The following PPM1E variants were observed in gnomAD, a reference collection of about 807,000 sequenced individuals.
PPM1E encodes the protein protein phosphatase, Mg2+/Mn2+ dependent 1E.
Under a neutral mutation model 65.9 loss-of-function variants are expected in PPM1E, and 20 were observed. That is an observed-to-expected ratio of 0.30 (90% confidence interval 0.21 to 0.44). The LOEUF is 0.44. Ranked by LOEUF, PPM1E falls within the 20% of genes least tolerant of loss-of-function variation. PPM1E has a pLI of 1.00. For missense variants in PPM1E, 713 were observed against 953.1 expected (o/e 0.75, Z 3.32); for synonymous variants, 352 against 374.9 (o/e 0.94, Z 0.70).
At chr17:58,881,305 A>C (rs868564032) in intron 1 of PPM1E, among the ~76,000 whole-genome samples, 2 of 152,082 alleles carry the variant, frequency 1.3e-5, no homozygotes, top group African/African-American at 4.8e-5. Context: ...AGGCAGGTGG[A>C]TCGCCTTGAG....
chr17:58,915,488 G>A (rs1056883730), intron 1 of PPM1E, among the ~76,000 whole-genome samples: 1 of 152,118 alleles, frequency 6.6e-6, no homozygotes, highest in African/African-American at 2.4e-5. Flanking sequence ...CTCATCCTAT[G>A]GCTTAGAATG....
chr17:58,784,656 C>T (rs950592893), intron 1 of PPM1E, among the ~76,000 whole-genome samples: 1 of 151,990 alleles, frequency 6.6e-6, no homozygotes, highest in African/African-American at 2.4e-5. Flanking sequence ...TCCTGAGTAG[C>T]TGGGATTACA....
chr17:58,761,744 T>C (rs2049823301), intron 1 of PPM1E, among the ~76,000 whole-genome samples: 1 of 152,206 alleles, frequency 6.6e-6, no homozygotes, highest in Non-Finnish European at 1.5e-5. Flanking sequence ...GGGTCCCTTC[T>C]ACGTTCCTTT....
chr17:58,940,532 G>A (rs932826044), intron 1 of PPM1E, among the ~76,000 whole-genome samples: 4 of 152,170 alleles, frequency 2.6e-5, no homozygotes, highest in Non-Finnish European at 4.4e-5. Context: ...GACTAAAAAT[G>A]TATTGCAGAT....
rs544394431 is a variant in PPM1E, at chr17:58,824,674, C to T, written c.464+68213C>T. On this transcript the variant is annotated intron_variant, in intron 1 of 6. Coordinates refer to ENST00000308249, the MANE Select transcript of PPM1E (RefSeq NM_014906.5). ...CGTGATCTCAGCTCACTGCAAGCTC[C>T]GTCTCCCGGGTTCACACCATTCTCT... Among the ~76,000 whole-genome samples the T allele has an allele frequency of 3.1e-3, 463 of 151,524 alleles. 3 individuals carry two copies. The highest frequency in any genetic ancestry group is 5.3e-3 in the Non-Finnish European group (359 of 67,868).
At position 58,776,326 on chromosome 17, in the gene PPM1E, C is replaced by CA. The variant is rs201187779; in HGVS notation, c.464+19873dup. Among the ~76,000 whole-genome samples the CA allele has an allele frequency of 1.9e-3, 292 of 150,366 alleles. 2 individuals are homozygous for CA. Among genetic ancestry groups the CA allele is most frequent in the African/African-American group, 6.6e-3 (271 of 41,014 alleles). On this transcript the variant is annotated intron_variant, in intron 1 of 6. Transcript: ENST00000308249. ...TGGATGACAGAGGAGACCCTGTCTC[C>CA]AAAAAAAAGCAGGGAGAGCCTTGAT... is the stretch of plus-strand genomic sequence containing the variant.
At chr17:58,913,706 G>A (rs915652689) in intron 1 of PPM1E, among the ~76,000 whole-genome samples, 1 of 152,140 alleles carries the variant, frequency 6.6e-6, no homozygotes. Flanking sequence ...TCTTCTTACT[G>A]TCTTCACTTC....
chr17:58,956,459 CA>C (rs34401263), intron 2 of PPM1E, among the ~76,000 whole-genome samples: 11 of 133,702 alleles, frequency 8.2e-5, no homozygotes, highest in East Asian at 2.1e-4. Flanking sequence ...AAACAAAAAA[CA>C]AAAAAAAAAA....
chr17:58,960,551 C>T (rs995291735), intron 2 of PPM1E, among the ~76,000 whole-genome samples: 2 of 151,862 alleles, frequency 1.3e-5, no homozygotes, highest in Admixed American at 6.6e-5. Flanking sequence ...AAGGAGGGTA[C>T]ATCACTTGAG....
At chr17:58,777,841 TAGA>T (rs928828736) in intron 1 of PPM1E, among the ~76,000 whole-genome samples, 2 of 152,230 alleles carry the variant, frequency 1.3e-5, no homozygotes, top group African/African-American at 4.8e-5. Flanking sequence ...GCTTAGGACA[TAGA>T]AGGTTTTCAG....
intron 1 of PPM1E, among the ~76,000 whole-genome samples, chr17:58,954,437 T>C (rs746445700): frequency 6.6e-6 from 1 of 152,210 alleles, no homozygotes; most frequent in Non-Finnish European, 1.5e-5. Context: ...TTGAAAAGAA[T>C]AGAAATTCCT....
intron 1 of PPM1E, among the ~76,000 whole-genome samples, chr17:58,934,733 C>T (rs1466402078): frequency 6.6e-6 from 1 of 152,048 alleles, no homozygotes; most frequent in Non-Finnish European, 1.5e-5. Flanking sequence ...TTGAGACCAG[C>T]CTGGCCAACA....
intron 1 of PPM1E, among the ~76,000 whole-genome samples, chr17:58,816,985 G>T (rs555324155): frequency 1.7e-3 from 264 of 151,232 alleles, no homozygotes; most frequent in African/African-American, 6.1e-3. Flanking sequence ...TCTGGTAGAG[G>T]ATTTTGCCAT....
At chr17:58,768,822 A>G (rs1374372937) in intron 1 of PPM1E, among the ~76,000 whole-genome samples, 3 of 152,142 alleles carry the variant, frequency 2.0e-5, no homozygotes, top group Non-Finnish European at 2.9e-5. Context: ...GGCATATGCC[A>G]CTATGTCTGG....
rs9890880 is a variant in PPM1E, at chr17:58,772,714, C to T, written c.464+16253C>T. Among the ~76,000 whole-genome samples the T allele has an allele frequency of 9.3e-4, 142 of 152,146 alleles. 1 individual carries two copies. Among genetic ancestry groups the T allele is most frequent in the African/African-American group, 3.3e-3 (139 of 41,536 alleles). ...ATTTCTCTTAATAAAGGAGGGTAAA[C>T]CTGCAAGGAAAACCAGAGAATGACC... is the stretch of plus-strand genomic sequence containing the variant. On this transcript the variant is annotated intron_variant, in intron 1 of 6. Coordinates refer to ENST00000308249, the MANE Select transcript of PPM1E (RefSeq NM_014906.5).
chr17:58,974,552 T>A (rs1010169964), intron 6 of PPM1E, among the ~76,000 whole-genome samples: 1 of 152,244 alleles, frequency 6.6e-6, no homozygotes, highest in African/African-American at 2.4e-5. Context: ...CTGGGTTTAT[T>A]ATTTTAGGCT....
At chr17:58,795,005 C>T (rs1598575656) in intron 1 of PPM1E, among the ~76,000 whole-genome samples, 1 of 151,438 alleles carries the variant, frequency 6.6e-6, no homozygotes, top group East Asian at 1.9e-4. Context: ...CCTTGTGCCT[C>T]AGCCTCCCAA....
At chr17:58,935,024 G>A (rs1241451350) in intron 1 of PPM1E, among the ~76,000 whole-genome samples, 7 of 151,950 alleles carry the variant, frequency 4.6e-5, no homozygotes, top group Admixed American at 6.6e-5. Flanking sequence ...AGGCTGAGAC[G>A]GGCAGATCAC....
intron 1 of PPM1E, among the ~76,000 whole-genome samples, chr17:58,766,005 C>G (rs922767835): frequency 4.2e-5 from 6 of 143,382 alleles, no homozygotes; most frequent in African/African-American, 1.6e-4. Flanking sequence ...CTTAGCCTCC[C>G]AAGTAGCTGG....
Sources: gnomAD v4.1 joint callset for allele counts (sites outside exome capture counted in the v4.1 genomes callset) on GRCh38, gnomAD v4.1.1 for gene constraint, MANE v1.5 for transcripts, NCBI Gene and HGNC (gene_info 2026-07-23, HGNC 2026-07-21) for gene names.